DNM3: variants seen among roughly 807,000 people sequenced by gnomAD.
DNM3 encodes the protein dynamin-3.
Under a neutral mutation model 101.6 loss-of-function variants are expected in DNM3, and 47 were observed. The observed-to-expected ratio is 0.46, with a 90% confidence interval of 0.37 to 0.59. The LOEUF is 0.59. DNM3 is among the 20% of genes least tolerant of loss of function. The pLI is 0.00. For synonymous variants in DNM3, 385 were observed against 387.9 expected (o/e 0.99, Z 0.09); for missense variants, 849 against 1,085.7 (o/e 0.78, Z 3.06).
In DNM3 at chr1:172,069,616, T is replaced by G. The variant is rs185053336; in HGVS notation, c.1422+711T>G. On this transcript the variant is annotated intron_variant, in intron 11 of 20. Transcript: ENST00000627582. ...TAAATGGATTTTTCTTAGTTACTTA[T>G]AAAATATTATAACAGGAAATACAAA... Among the ~76,000 whole-genome samples the G allele has an allele frequency of 3.5e-3, 526 of 152,322 alleles. 5 individuals are homozygous for G. The highest frequency in any genetic ancestry group is 6.4e-3 in the Non-Finnish European group (435 of 68,026).
chr1:171,851,112 G>T (rs764829411), intron 1 of DNM3, among the ~76,000 whole-genome samples: 1 of 152,138 alleles, frequency 6.6e-6, no homozygotes, highest in South Asian at 2.1e-4. Context: ...TCATCTGCTG[G>T]TCTTCTCAGC....
intron 13 of DNM3, among the ~76,000 whole-genome samples, chr1:172,118,626 T>A (rs1049579436): frequency 2.6e-5 from 4 of 152,142 alleles, no homozygotes; most frequent in African/African-American, 9.7e-5. Flanking sequence ...TGATTCACCA[T>A]ATGAAATCAG....
At chr1:171,847,136 A>G (rs558238088) in intron 1 of DNM3, among the ~76,000 whole-genome samples, 2 of 152,236 alleles carry the variant, frequency 1.3e-5, no homozygotes, top group Non-Finnish European at 2.9e-5. Flanking sequence ...ATATGAATAC[A>G]TAGAAGCTTA....
chr1:171,940,080 T>C (rs2041710910), intron 2 of DNM3, among the ~76,000 whole-genome samples: 1 of 152,128 alleles, frequency 6.6e-6, no homozygotes, highest in African/African-American at 2.4e-5. Flanking sequence ...AAGAAGTTGG[T>C]TGTTAGGGTG....
At chr1:172,054,973 C>G (rs867360231) in intron 10 of DNM3, among the ~76,000 whole-genome samples, 1 of 149,150 alleles carries the variant, frequency 6.7e-6, no homozygotes, top group African/African-American at 2.5e-5. Context: ...CCCGCCCCCC[C>G]AAATAAAGAA....
rs1553221115 is a variant in DNM3, at chr1:172,283,780, A to AAG, written c.1770-24947_1770-24946insGA. Among the ~76,000 whole-genome samples, 34 of 119,102 alleles carry AAG rather than the reference A, an allele frequency of 2.9e-4. 1 individual carries two copies. The East Asian group carries it at 5.4e-3, about 19-fold the overall frequency. The allele number at this position is 119,102 out of a possible 152,430, so 78.1% of individuals were successfully genotyped here. Reference sequence around the variant, plus strand: ...ATCTCAAAAAAAAAAAAAAAAAAAAAAAAGAAAGAAAGAAAGAAAACCAAG... The same window carrying AAG: ...ATCTCAAAAAAAAAAAAAAAAAAAAAAGAAAGAAAGAAAGAAAGAAAACCAAG... On this transcript the variant is annotated intron_variant, in intron 15 of 20. Coordinates refer to ENST00000627582, the MANE Select transcript of DNM3 (RefSeq NM_015569.5).
chr1:171,958,016 A>G (rs1195465125), intron 2 of DNM3, among the ~76,000 whole-genome samples: 1 of 152,122 alleles, frequency 6.6e-6, no homozygotes, highest in Admixed American at 6.5e-5. Flanking sequence ...ATAAAGACAT[A>G]CCCAAGGCTG....
chr1:172,183,977 C>T (rs2059437782), intron 14 of DNM3, among the ~76,000 whole-genome samples: 1 of 150,834 alleles, frequency 6.6e-6, no homozygotes, highest in East Asian at 2.0e-4. Context: ...CTCAAAACAA[C>T]AGCAATCATA....
chr1:171,866,038 C>A (rs2034711478), intron 1 of DNM3, among the ~76,000 whole-genome samples: 1 of 152,098 alleles, frequency 6.6e-6, no homozygotes, highest in Non-Finnish European at 1.5e-5. Flanking sequence ...CCCACATATA[C>A]TAAATTTTGT....
chr1:172,239,100 G>A (rs1005492428), intron 14 of DNM3, among the ~76,000 whole-genome samples: 2 of 152,100 alleles, frequency 1.3e-5, no homozygotes, highest in Non-Finnish European at 2.9e-5. Flanking sequence ...GGCTATGGAC[G>A]CAGTCCCAGA....
chr1:172,074,439 A>G (rs1009041589), intron 11 of DNM3, among the ~76,000 whole-genome samples: 1 of 151,988 alleles, frequency 6.6e-6, no homozygotes, highest in Non-Finnish European at 1.5e-5. Flanking sequence ...TATATTAGGT[A>G]TTTCTCCTAA....
chr1:171,975,834 C>T (rs1319173371), intron 2 of DNM3, among the ~76,000 whole-genome samples: 1 of 152,120 alleles, frequency 6.6e-6, no homozygotes. Context: ...ACTTATTATA[C>T]AGGTTCCACG....
At chr1:172,054,287 C>T (rs1001835224) in intron 10 of DNM3, among the ~76,000 whole-genome samples, 8 of 152,236 alleles carry the variant, frequency 5.3e-5, no homozygotes, top group African/African-American at 1.9e-4. Flanking sequence ...AAATGCATTT[C>T]TTCCCAGATA....
At chr1:172,053,884 T>C (rs2050383399) in intron 10 of DNM3, among the ~76,000 whole-genome samples, 1 of 143,288 alleles carries the variant, frequency 7.0e-6, no homozygotes, top group Admixed American at 7.1e-5. Flanking sequence ...TAGAGTTGAG[T>C]CTGCTGGGAC....
At chr1:172,063,138 T>C (rs1308851375) in intron 10 of DNM3, among the ~76,000 whole-genome samples, 1 of 152,222 alleles carries the variant, frequency 6.6e-6, no homozygotes, top group Non-Finnish European at 1.5e-5. Flanking sequence ...AAGTGATATG[T>C]ATAGAAGAAA....
intron 4 of DNM3, among the ~76,000 whole-genome samples, chr1:171,992,494 A>T (rs537053981): frequency 1.2e-4 from 18 of 151,736 alleles, no homozygotes; most frequent in African/African-American, 3.1e-4. Flanking sequence ...AAATGAGATT[A>T]AAAAAAAACT....
intron 11 of DNM3, among the ~76,000 whole-genome samples, chr1:172,076,776 C>G (rs1390388322): frequency 1.3e-5 from 2 of 152,088 alleles, no homozygotes; most frequent in Admixed American, 1.3e-4. Context: ...CTGAAATTTT[C>G]TTTTTTGTGT....
intron 1 of DNM3, among the ~76,000 whole-genome samples, chr1:171,912,518 C>T (rs1347369166): frequency 6.6e-6 from 1 of 152,128 alleles, no homozygotes; most frequent in Non-Finnish European, 1.5e-5. Flanking sequence ...ACTCTTTGTT[C>T]TTTTCTGATC....
At chr1:172,217,043 G>A (rs970813354) in intron 14 of DNM3, among the ~76,000 whole-genome samples, 3 of 152,092 alleles carry the variant, frequency 2.0e-5, no homozygotes, top group Non-Finnish European at 2.9e-5. Context: ...TAATTGGGGT[G>A]ACACATTTAT....
Sources: allele counts gnomAD v4.1 joint callset (sites outside exome capture counted in the v4.1 genomes callset), GRCh38; gene constraint gnomAD v4.1.1; transcripts MANE v1.5; gene names NCBI Gene and HGNC (gene_info 2026-07-23, HGNC 2026-07-21).